The following USP4 variants were observed in gnomAD, a reference collection of about 807,000 sequenced individuals.
USP4 encodes ubiquitin specific peptidase 4.
In USP4, 72 loss-of-function variants were observed where a neutral mutation model predicts 118.2. That is an observed-to-expected ratio of 0.61 (90% CI 0.50 to 0.74). The LOEUF is 0.74. USP4 is among the 30% of genes least tolerant of loss of function. The probability of loss-of-function intolerance (pLI) is 0.00; values close to 1 mark genes in which losing one functional copy is unlikely to be tolerated. For synonymous variants in USP4, 415 were observed against 440.4 expected (o/e 0.94, Z 0.72); for missense variants, 1,037 against 1,185.7 (o/e 0.87, Z 1.84).
Position 49,302,521 on chromosome 3 carries a change from G to A in USP4, c.1150C>T (p.Pro384Ser), listed in dbSNP as rs756580275. ...MFKTQVGRFA[P>S]QFSGYQQQDS... ...TGTTGCTGGTAGCCAGAAAATTGAG[G>A]AGCAAAACGTCCTACTTGAGTCTAC... Residue 384 changes from proline (P) to serine (S), a missense_variant, in exon 10 of 22, where the codon CCT becomes TCT. Transcript: ENST00000265560. The A allele has an allele frequency of 1.2e-6, 2 of 1,613,970 alleles. No homozygotes were observed. The highest frequency in any genetic ancestry group is 2.2e-5 in the East Asian group (1 of 44,882).
At chr3:49,283,305 T>G (rs150382657) in intron 19 of USP4, among the ~76,000 whole-genome samples, 5 of 151,896 alleles carry the variant, frequency 3.3e-5, no homozygotes, top group Non-Finnish European at 5.9e-5. Context: ...TGAGCCACCG[T>G]GCCCAGCCTA....
rs574965222 is a variant in USP4 at position 49,305,602 on chromosome 3, T to C, written c.1128+113A>G. ...AATGGGGATGCTGAACTAGTAAGCATAATGTAAATACCATAAAAAAAAATC... is the reference window on the plus strand; with the variant it reads ...AATGGGGATGCTGAACTAGTAAGCACAATGTAAATACCATAAAAAAAAATC... On this transcript the variant is annotated intron_variant, in intron 9 of 21. Coordinates refer to ENST00000265560, the MANE Select transcript of USP4 (RefSeq NM_003363.4). 2.0e-4 allele frequency: 185 copies of C among 918,992 alleles called. 4 individuals carry two copies. The South Asian group carries it at 3.2e-3, about 16-fold the overall frequency. 56.9% of individuals were successfully genotyped at this position (918,992 alleles called of 1,614,324 possible).
intron 6 of USP4, chr3:49,312,258 G>T: frequency 3.5e-6 from 1 of 285,374 alleles, no homozygotes; most frequent in South Asian, 2.9e-5. Flanking sequence ...CGATCACAAG[G>T]TCAGGAATTC....
At chr3:49,310,820 C>T in intron 7 of USP4, 83 bp from the exon 8 acceptor site, 2 of 1,074,516 alleles carry the variant, frequency 1.9e-6, no homozygotes, top group Admixed American at 3.8e-5. Context: ...CCTATGGGGG[C>T]CTCTAGAACT....
intron 19 of USP4, among the ~76,000 whole-genome samples, chr3:49,283,395 C>T (rs1370782890): frequency 1.3e-4 from 20 of 151,896 alleles, no homozygotes. Context: ...CTCCTAGGCT[C>T]AAGTGATCCT....
chr3:49,295,238 A>C (rs1265998760), intron 13 of USP4, among the ~76,000 whole-genome samples: 1 of 146,912 alleles, frequency 6.8e-6, no homozygotes, highest in Non-Finnish European at 1.5e-5. Flanking sequence ...GTAGTGAGTC[A>C]AGATCTTGTC....
chr3:49,324,626 G>T, intron 6 of USP4, 76 bp downstream of exon 6: 1 of 1,362,596 alleles, frequency 7.3e-7, no homozygotes, highest in Non-Finnish European at 1.0e-6. Context: ...ATTTTTCTTA[G>T]TACAAGTACT....
At chr3:49,333,552 T>C (rs2047640735) in intron 2 of USP4, among the ~76,000 whole-genome samples, 1 of 152,184 alleles carries the variant, frequency 6.6e-6, no homozygotes, top group South Asian at 2.1e-4. Context: ...TAGAAGACGT[T>C]GTTAGGGTTA....
In USP4 at chr3:49,336,317, A is replaced by ACC. The variant is rs1476134621; in HGVS notation, c.102-722_102-721insGG. On this transcript the variant is annotated intron_variant, in intron 1 of 21. Coordinates refer to ENST00000265560, the MANE Select transcript of USP4 (RefSeq NM_003363.4). The stretch of plus-strand genomic sequence containing the variant: ...CTCCCAAGTAGCTGGGATTACAGGC[A>ACC]TGCATCACCAGGCCCAGCTAATTTT... Among the ~76,000 whole-genome samples, 17 of 149,186 alleles carry ACC rather than the reference A, an allele frequency of 1.1e-4. No individual in the cohort carries two copies. The East Asian group carries it at 2.4e-3, about 21-fold the overall frequency.
rs770921681 is a variant in USP4, at chr3:49,325,865, G to A, written c.361-20C>T. ...CACAACCTATGAACAAGAGGCAGGGGTGAGGGCATAGCGGTTTTGCAGCTG... is the reference window on the plus strand; with the variant it reads ...CACAACCTATGAACAAGAGGCAGGGATGAGGGCATAGCGGTTTTGCAGCTG... On this transcript the variant is annotated intron_variant, in intron 3 of 21. Coordinates refer to ENST00000265560, the MANE Select transcript of USP4 (RefSeq NM_003363.4). 9.9e-6 allele frequency: 16 copies of A among 1,612,368 alleles called. No homozygotes were observed. The East Asian group carries it at 2.5e-4, about 25-fold the overall frequency.
rs2047546226 is a variant in USP4, at chr3:49,325,678, C to T, written c.487+41G>A. The stretch of plus-strand genomic sequence containing the variant: ...CTCCCATCAGCCACAATGTCCTACA[C>T]TCTCTCACCACATACCAGGGACCCC... On this transcript the variant is annotated intron_variant, in intron 4 of 21. Transcript: ENST00000265560. The T allele has an allele frequency of 1.9e-6, 3 of 1,608,836 alleles. No homozygotes were observed. In the African/African-American group the frequency reaches 4.0e-5, roughly 22 times the overall value.
chr3:49,298,801 T>A (rs988138256), intron 11 of USP4, among the ~76,000 whole-genome samples, 166 bp from the exon 12 acceptor site: 2 of 152,178 alleles, frequency 1.3e-5, no homozygotes, highest in African/African-American at 4.8e-5. Flanking sequence ...AGGACCTCTA[T>A]GTCAGCATCC....
intron 14 of USP4, among the ~76,000 whole-genome samples, chr3:49,293,861 C>T (rs1343104806): frequency 6.6e-6 from 1 of 152,148 alleles, no homozygotes; most frequent in Non-Finnish European, 1.5e-5. Context: ...AAGCGCTAGC[C>T]TCCCTAACAT....
At chr3:49,290,735 G>A (rs995586151) in intron 15 of USP4, among the ~76,000 whole-genome samples, 5 of 152,150 alleles carry the variant, frequency 3.3e-5, no homozygotes, top group East Asian at 1.9e-4. Context: ...GGCTAGTCTC[G>A]AACTCCTGAC....
chr3:49,310,978 G>C (rs565159193), intron 7 of USP4, among the ~76,000 whole-genome samples: 1 of 152,252 alleles, frequency 6.6e-6, no homozygotes, highest in Non-Finnish European at 1.5e-5. Flanking sequence ...GTTAGGCTTT[G>C]GCAAATGCTA....
intron 9 of USP4, among the ~76,000 whole-genome samples, chr3:49,304,708 C>T (rs935612097): frequency 6.6e-6 from 1 of 152,138 alleles, no homozygotes; most frequent in Non-Finnish European, 1.5e-5. Flanking sequence ...CCCACCTCAG[C>T]CTCCCTGGTA....
intron 10 of USP4, among the ~76,000 whole-genome samples, chr3:49,301,753 T>C (rs1428229135): frequency 1.3e-5 from 2 of 152,078 alleles, no homozygotes; most frequent in Non-Finnish European, 2.9e-5. Context: ...AGCTAACTCA[T>C]AGTTTTTCTA....
At chr3:49,324,865 C>T in intron 5 of USP4, 29 bp downstream of exon 5, 2 of 1,614,036 alleles carry the variant, frequency 1.2e-6, no homozygotes, top group Non-Finnish European at 1.7e-6. Flanking sequence ...GCAGAGCTAC[C>T]TGCTGGGGAA....
rs1215254823 is a variant in USP4 at position 49,287,152 on chromosome 3, C to CTATT, written c.1973-831_1973-828dup. The stretch of plus-strand genomic sequence containing the variant: ...CAGACGTGAGCCACTGCACCTGGCC[C>CTATT]TATTTATTTATTTATTTTTTGAGAC... On this transcript the variant is annotated intron_variant, in intron 15 of 21. Coordinates refer to ENST00000265560, the MANE Select transcript of USP4 (RefSeq NM_003363.4). 3.3e-5 allele frequency among the ~76,000 whole-genome samples: 5 copies of CTATT among 149,920 alleles called. No individual in the cohort carries two copies. The East Asian group carries it at 9.9e-4, about 30-fold the overall frequency.
Sources: gnomAD v4.1 joint callset for allele counts (sites outside exome capture counted in the v4.1 genomes callset) on GRCh38, gnomAD v4.1.1 for gene constraint, MANE v1.5 for transcripts, NCBI Gene and HGNC (gene_info 2026-07-23, HGNC 2026-07-21) for gene names.